The following LACTBL1 variants were observed in gnomAD, a reference collection of about 807,000 sequenced individuals.
LACTBL1 encodes the protein beta-lactamase-like protein 1.
Under a neutral mutation model 39.6 loss-of-function variants are expected in LACTBL1, and 29 were observed. That is an observed-to-expected ratio of 0.73 (90% CI 0.55 to 1.00). LACTBL1 has a LOEUF of 1.00. Among genes scored for constraint, LACTBL1 ranks in the 50% least tolerant of loss-of-function variants. The pLI, the probability that LACTBL1 is intolerant of heterozygous loss-of-function variation, is 0.00. For synonymous variants in LACTBL1, 361 were observed against 360.7 expected, an observed-to-expected ratio of 1.00 and a Z score of -0.01; for missense variants, 711 against 748.5, an observed-to-expected ratio of 0.95 and a Z score of 0.59.
At chr1:22,971,053 T>C in the LACTBL1 span, among the ~76,000 whole-genome samples, 1 of 152,166 alleles carries the variant, frequency 6.6e-6, no homozygotes, top group South Asian at 2.1e-4. Context: ...GAGGACCCCT[T>C]GGTGGGAAGG....
chr1:22,955,467 G>A, intron 4 of LACTBL1, 41 bp from the exon 7 acceptor site: 3 of 1,395,770 alleles, frequency 2.1e-6, no homozygotes, highest in Non-Finnish European at 3.0e-6. Flanking sequence ...GCCCGGCTGA[G>A]GGTGGGATGG....
chr1:22,971,874 C>G, the LACTBL1 span, among the ~76,000 whole-genome samples: 2 of 152,048 alleles, frequency 1.3e-5, no homozygotes, highest in Admixed American at 6.6e-5. Flanking sequence ...CATGCAAAGC[C>G]CATAGAGAGC....
At chr1:22,963,196 T>G in exon 2 of LACTBL1, 1 of 1,345,702 alleles carries the variant, frequency 7.4e-7, no homozygotes, top group Non-Finnish European at 9.6e-7. Flanking sequence ...GGGGCAGAGG[T>G]CTCCTCTGGT....
upstream of LACTBL1, among the ~76,000 whole-genome samples, chr1:22,965,897 C>A (rs1156337951): frequency 1.3e-5 from 2 of 152,102 alleles, no homozygotes; most frequent in East Asian, 3.8e-4. Flanking sequence ...AGATAGACAA[C>A]CCATAGAGAC....
At chr1:22,955,025 G>A (rs1570497742) in intron 5 of LACTBL1, among the ~76,000 whole-genome samples, 1 of 152,236 alleles carries the variant, frequency 6.6e-6, no homozygotes, top group Non-Finnish European at 1.5e-5. Flanking sequence ...TCACAAGAGT[G>A]CAAACTCCAC....
chr1:22,957,834 T>C (rs1281939599), intron 4 of LACTBL1, among the ~76,000 whole-genome samples: 1 of 151,880 alleles, frequency 6.6e-6, no homozygotes, highest in Non-Finnish European at 1.5e-5. Flanking sequence ...GTATTTTTAG[T>C]AGAGACAGCG....
chr1:22,963,050 C>T, intron 2 of LACTBL1, 57 bp downstream of exon 4: 1 of 902,326 alleles, frequency 1.1e-6, no homozygotes, highest in Non-Finnish European at 1.5e-6. Context: ...GACTGCCCTC[C>T]CCTTCATCAC....
At chr1:22,971,941 G>A in the LACTBL1 span, among the ~76,000 whole-genome samples, 2 of 152,176 alleles carry the variant, frequency 1.3e-5, no homozygotes, top group Admixed American at 6.5e-5. Flanking sequence ...CACAGATACA[G>A]ATGAGCTCAG....
intron 2 of LACTBL1, among the ~76,000 whole-genome samples, chr1:22,961,240 C>G (rs1472544722): frequency 6.6e-6 from 1 of 152,140 alleles, no homozygotes; most frequent in East Asian, 1.9e-4. Context: ...TAATTTCTGC[C>G]CATTTTACAG....
exon 6 of LACTBL1, chr1:22,953,512 C>T (rs1302362057): frequency 1.4e-5 from 17 of 1,234,966 alleles, no homozygotes; most frequent in African/African-American, 9.4e-5. Context: ...CCCGGGCGGC[C>T]GTGGCCCTGC....
chr1:22,965,509 G>A (rs1640867988), upstream of LACTBL1: 1 of 784,168 alleles, frequency 1.3e-6, no homozygotes, highest in Non-Finnish European at 1.5e-6. Flanking sequence ...CCCCTCCTAG[G>A]CCTCAAGTTA....
At chr1:22,961,607 G>A (rs555804626) in intron 2 of LACTBL1, among the ~76,000 whole-genome samples, 5 of 151,788 alleles carry the variant, frequency 3.3e-5, no homozygotes, top group Admixed American at 6.6e-5. Context: ...CAGGTGATCC[G>A]GCTGCCTCAG....
chr1:22,964,788 G>A (rs1640860611), intron 1 of LACTBL1, among the ~76,000 whole-genome samples: 1 of 152,190 alleles, frequency 6.6e-6, no homozygotes, highest in African/African-American at 2.4e-5. Context: ...CAAACAAAGG[G>A]CCTGGTAGTT....
exon 5 of LACTBL1, chr1:22,955,404 G>A (rs1640751608): frequency 1.9e-6 from 3 of 1,550,012 alleles, no homozygotes; most frequent in African/African-American, 2.7e-5. Flanking sequence ...GCAGTGAAGT[G>A]GAGCGCAGCC....
At position 22,954,627 on chromosome 1, in the gene LACTBL1, G is replaced by A. The variant is rs984677094; in HGVS notation, c.660-603C>T. On this transcript the variant is annotated intron_variant, in intron 5 of 5. Transcript: ENST00000426928. ...AGATTAGTTAGATGAGTTTCACAGA[G>A]ATAAAGTGCACCACCCAAGGTCACA... Among the ~76,000 whole-genome samples the A allele has an allele frequency of 3.9e-5, 6 of 152,314 alleles. No homozygotes were observed. In the South Asian group the frequency reaches 1.2e-3, roughly 32 times the overall value.
upstream of LACTBL1, among the ~76,000 whole-genome samples, chr1:22,968,177 A>C (rs1238770265): frequency 1.3e-5 from 2 of 152,146 alleles, no homozygotes; most frequent in African/African-American, 4.8e-5. Context: ...AGCTAACTAC[A>C]ATTCTGGGTT....
exon 6 of LACTBL1, chr1:22,953,422 G>C (rs1399435921): frequency 3.3e-6 from 4 of 1,227,574 alleles, no homozygotes; most frequent in Non-Finnish European, 4.1e-6. Flanking sequence ...GGGCGGCGGA[G>C]CCGGGCCGGG....
the LACTBL1 span, among the ~76,000 whole-genome samples, chr1:22,971,833 T>C: frequency 1.3e-5 from 2 of 152,262 alleles, no homozygotes; most frequent in Admixed American, 6.5e-5. Flanking sequence ...CTACATCTTA[T>C]AGGGTTTAGT....
At chr1:22,962,196 A>C (rs1399575041) in intron 2 of LACTBL1, among the ~76,000 whole-genome samples, 1 of 152,082 alleles carries the variant, frequency 6.6e-6, no homozygotes, top group Non-Finnish European at 1.5e-5. Flanking sequence ...AATTTGCTAT[A>C]ACTCCTGAAA....
Sources: allele counts gnomAD v4.1 joint callset (sites outside exome capture counted in the v4.1 genomes callset), GRCh38; gene constraint gnomAD v4.1.1; transcripts MANE v1.5; gene names NCBI Gene and HGNC (gene_info 2026-07-23, HGNC 2026-07-21).